The following RIMBP2 variants were observed in gnomAD, a reference collection of about 807,000 sequenced individuals.
RIMBP2 encodes the protein RIMS-binding protein 2.
In RIMBP2, 48 loss-of-function variants were observed where a neutral mutation model predicts 118.6. The observed-to-expected ratio is 0.40, with a 90% confidence interval of 0.32 to 0.51. The LOEUF is 0.51. RIMBP2 is among the 20% of genes least tolerant of loss of function. RIMBP2 has a pLI of 0.41. For synonymous variants in RIMBP2, 762 were observed against 742.9 expected (o/e 1.03, Z -0.42); for missense variants, 1,551 against 1,768.3 (o/e 0.88, Z 2.20).
At chr12:130,648,060 A>G (rs533998198) in intron 1 of RIMBP2, among the ~76,000 whole-genome samples, 1 of 128,778 alleles carries the variant, frequency 7.8e-6, no homozygotes, top group Admixed American at 7.6e-5. Flanking sequence ...GTGGTACAGA[A>G]AGCCAAAGGG....
intron 2 of RIMBP2, among the ~76,000 whole-genome samples, chr12:130,573,830 C>A (rs1003206019): frequency 8.5e-5 from 13 of 152,130 alleles, no homozygotes; most frequent in African/African-American, 3.1e-4. Flanking sequence ...AGGCCTGGAG[C>A]ATGGCTGTCC....
At chr12:130,520,838 G>T (rs2052028318) in intron 2 of RIMBP2, among the ~76,000 whole-genome samples, 1 of 152,118 alleles carries the variant, frequency 6.6e-6, no homozygotes, top group Non-Finnish European at 1.5e-5. Context: ...CCAGGTAAAG[G>T]CACAAAGAAA....
chr12:130,570,162 A>G (rs2057519375), intron 2 of RIMBP2, among the ~76,000 whole-genome samples: 1 of 152,288 alleles, frequency 6.6e-6, no homozygotes, highest in African/African-American at 2.4e-5. Flanking sequence ...AGTGACTCAC[A>G]CCTGTAATCC....
intron 1 of RIMBP2, among the ~76,000 whole-genome samples, chr12:130,671,608 A>C (rs2064200377): frequency 6.6e-6 from 1 of 152,158 alleles, no homozygotes; most frequent in Non-Finnish European, 1.5e-5. Flanking sequence ...ACACTGTCGA[A>C]ACTGTGGGCT....
chr12:130,424,570 G>A lies in RIMBP2; in HGVS notation c.2701C>T (p.Leu901Phe). The A allele has an allele frequency of 8.1e-7, 1 of 1,232,002 alleles. No homozygotes were observed. The highest frequency in any genetic ancestry group is 1.0e-6 in the Non-Finnish European group (1 of 987,848). 76.3% of individuals were successfully genotyped at this position (1,232,002 alleles called of 1,614,324 possible). A position where few individuals can be genotyped will look rare whatever the true frequency, so the allele number is the denominator to read the frequency against. Residue 901 changes from leucine (L) to phenylalanine (F), a missense_variant, in exon 16 of 23, where the codon CTT becomes TTT. Physicochemically the swap from Leu to Phe is conservative, Grantham distance 22 (BLOSUM62 0). Around this residue, in one of 5 missense-constraint regions of RIMBP2, gnomAD observed 1,038 missense variants for 1,125.1 expected, o/e 0.92. Coordinates refer to ENST00000690449, the MANE Select transcript of RIMBP2 (RefSeq NM_001393629.1). The surrounding 1 kb of genome is among the most constrained non-coding windows in gnomAD (Gnocchi z 9.8). ...AACCGACAGCCCCTGTCTTCCAGAAGGAAGTCCTCCACGTGGGGGACGGCC... is the reference window on the plus strand; with the variant it reads ...AACCGACAGCCCCTGTCTTCCAGAAAGAAGTCCTCCACGTGGGGGACGGCC... ...SGAVPHVEDF[L>F]LEDRGCRFSR...
rs1336307811 is a variant in RIMBP2 at position 130,703,230 on chromosome 12, T to A, written c.-352+12992A>T. ...GAGAGTCACCCTCCTGGTTGACAGATGACGCCTGGTGTTGGCCTTGTGCAC... is the reference window on the plus strand; with the variant it reads ...GAGAGTCACCCTCCTGGTTGACAGAAGACGCCTGGTGTTGGCCTTGTGCAC... On this transcript the variant is annotated intron_variant, in intron 1 of 22. Transcript: ENST00000690449. The surrounding 1 kb of genome is among the most constrained non-coding windows in gnomAD (Gnocchi z 5.7). Among the ~76,000 whole-genome samples the A allele has an allele frequency of 6.6e-6, 1 of 152,104 alleles. No individual in the cohort carries two copies. The highest frequency in any genetic ancestry group is 1.5e-5 in the Non-Finnish European group (1 of 68,008).
At chr12:130,618,245 C>T (rs1386404096) in intron 2 of RIMBP2, among the ~76,000 whole-genome samples, 1 of 152,170 alleles carries the variant, frequency 6.6e-6, no homozygotes, top group African/African-American at 2.4e-5. Context: ...ACGCCTTCCT[C>T]TCATCACATT....
intron 1 of RIMBP2, among the ~76,000 whole-genome samples, chr12:130,631,801 C>G (rs1294051763): frequency 4.6e-5 from 7 of 152,066 alleles, no homozygotes; most frequent in African/African-American, 1.7e-4. Context: ...AGAGACAGCA[C>G]GAGATTGTTT....
rs146210917 is a variant in RIMBP2 at position 130,595,201 on chromosome 12, A to C, written c.-217+33121T>G. Among the ~76,000 whole-genome samples, 128 of 152,308 alleles carry C rather than the reference A, an allele frequency of 8.4e-4. 1 individual carries two copies. Among genetic ancestry groups the C allele is most frequent in the Non-Finnish European group, 3.5e-4 (24 of 68,010 alleles). On this transcript the variant is annotated intron_variant, in intron 2 of 22. Transcript: ENST00000690449. ...GTACTCACACCCATGAGATTGAACCATCTCTCTCAGCAAACCATGCCCAAA... is the reference window on the plus strand; with the variant it reads ...GTACTCACACCCATGAGATTGAACCCTCTCTCTCAGCAAACCATGCCCAAA...
Position 130,622,452 on chromosome 12 carries a change from T to G in RIMBP2, c.-217+5870A>C, listed in dbSNP as rs539897007. On this transcript the variant is annotated intron_variant, in intron 2 of 22. Transcript: ENST00000690449. The surrounding 1 kb of genome is among the most constrained non-coding windows in gnomAD (Gnocchi z 8.5). ...TGTACATAAATTCACTATTCACTAATTGTACGTATAATTCTCTACTATTTT... is the reference window on the plus strand; with the variant it reads ...TGTACATAAATTCACTATTCACTAAGTGTACGTATAATTCTCTACTATTTT... 5.3e-5 allele frequency among the ~76,000 whole-genome samples: 8 copies of G among 152,236 alleles called. No individual in the cohort carries two copies. In the East Asian group the frequency reaches 1.5e-3, roughly 29 times the overall value.
Position 130,450,242 on chromosome 12 carries a change from T to C in RIMBP2, c.539A>G (p.Gln180Arg). 7 of 1,610,102 alleles carry C rather than the reference T, an allele frequency of 4.3e-6. No individual in the cohort carries two copies. The highest frequency in any genetic ancestry group is 5.1e-6 in the Non-Finnish European group (6 of 1,177,916). ...GAGGTGGACCTTCCCCGAGTATCTC[T>C]GCTTGGAGGTATTGGAATTCCGTTC... ...ENERNSNTSK[Q>R]RYSGKVHLCV... The change falls in exon 9 of 23, where the codon CAG becomes CGG. Residue 180 changes from glutamine to arginine, a missense_variant. Around this residue, in one of 5 missense-constraint regions of RIMBP2, gnomAD observed 239 missense variants for 256.8 expected, o/e 0.93. Coordinates refer to ENST00000690449, the MANE Select transcript of RIMBP2 (RefSeq NM_001393629.1). The surrounding 1 kb of genome is among the most constrained non-coding windows in gnomAD (Gnocchi z 4.8).
intron 21 of RIMBP2, 133 bp from the exon 22 acceptor site, chr12:130,399,946 A>T: frequency 1.0e-6 from 1 of 989,048 alleles, no homozygotes; most frequent in Non-Finnish European, 1.5e-6. Flanking sequence ...GCAGGACTTG[A>T]AAGGACTCTA....
chr12:130,599,726 A>C (rs972135009), intron 2 of RIMBP2, among the ~76,000 whole-genome samples: 4 of 152,248 alleles, frequency 2.6e-5, no homozygotes, highest in Non-Finnish European at 5.9e-5. Flanking sequence ...ATAGTTGTAC[A>C]TATTGACAGT....
Position 130,523,128 on chromosome 12 carries a change from CCTCTCT to C in RIMBP2, c.-216-5217_-216-5212del, listed in dbSNP as rs149137105. On this transcript the variant is annotated intron_variant, in intron 2 of 22. Transcript: ENST00000690449. This position sits in a 1 kb window ranked among gnomAD's most constrained non-coding sequence, Gnocchi z 4.4. Reference sequence around the variant, plus strand: ...TTCTGTCTCTCCCAGTCTCACTCTGCCTCTCTCTCTCTCTCTGCCTCCATGTCTGTC... The same window carrying C: ...TTCTGTCTCTCCCAGTCTCACTCTGCCTCTCTCTCTGCCTCCATGTCTGTC... Among the ~76,000 whole-genome samples the C allele has an allele frequency of 2.0e-5, 3 of 149,836 alleles. No individual in the cohort carries two copies. Among genetic ancestry groups the C allele is most frequent in the Non-Finnish European group, 4.5e-5 (3 of 67,232 alleles).
intron 4 of RIMBP2, among the ~76,000 whole-genome samples, chr12:130,497,627 T>C (rs1877986): frequency 0.58 from 87,857 of 152,110 alleles, 25,834 homozygotes; most frequent in East Asian, 0.87. Flanking sequence ...GAATGTCTTG[T>C]GTATCAGGCA....
At chr12:130,530,214 C>T (rs2053222173) in intron 2 of RIMBP2, among the ~76,000 whole-genome samples, 1 of 152,140 alleles carries the variant, frequency 6.6e-6, no homozygotes, top group African/African-American at 2.4e-5. Flanking sequence ...AGAGGGAAAA[C>T]TTCGCCAGGG....
At chr12:130,512,904 C>A (rs1465981571) in intron 3 of RIMBP2, among the ~76,000 whole-genome samples, 1 of 152,168 alleles carries the variant, frequency 6.6e-6, no homozygotes, top group Non-Finnish European at 1.5e-5. Flanking sequence ...GCTGGACACT[C>A]ACCTTTCAGT....
At chr12:130,451,932 T>TA (rs1230051087) in intron 7 of RIMBP2, among the ~76,000 whole-genome samples, 8 of 152,132 alleles carry the variant, frequency 5.3e-5, no homozygotes, top group Non-Finnish European at 1.0e-4. Flanking sequence ...GGTTTGTGGC[T>TA]AAAAAAATAC....
chr12:130,667,202 GGAGGGAGT>G (rs2063990413), intron 1 of RIMBP2: 1 of 149,316 alleles, frequency 6.7e-6, no homozygotes, highest in Non-Finnish European at 1.5e-5. Flanking sequence ...AAGGAGTGAG[GGAGGGAGT>G]GAGGGAGGGA....
Sources: allele counts gnomAD v4.1 joint callset (sites outside exome capture counted in the v4.1 genomes callset), GRCh38; gene constraint gnomAD v4.1.1; regional missense constraint gnomAD v4.1.1; non-coding constraint Gnocchi (gnomAD v3.1); transcripts MANE v1.5; gene names NCBI Gene and HGNC (gene_info 2026-07-23, HGNC 2026-07-21).